Variants in TADA2A observed in about 807,000 individuals in gnomAD.
The protein encoded by TADA2A is transcriptional adaptor 2A, also known as transcriptional adapter 2-alpha.
Under a neutral mutation model 67.4 loss-of-function variants are expected in TADA2A, and 38 were observed. The observed-to-expected ratio is 0.56, with a 90% CI of 0.44 to 0.74. The LOEUF (loss-of-function observed/expected upper bound fraction) is 0.74, where lower values mean the gene tolerates loss of function less well. TADA2A is among the 30% of genes least tolerant of loss of function. The probability of loss-of-function intolerance (pLI) is 0.00; values close to 1 mark genes in which losing one functional copy is unlikely to be tolerated. For synonymous variants in TADA2A, 192 were observed against 181.6 expected (o/e 1.06, Z -0.46); for missense variants, 454 against 547.0 (o/e 0.83, Z 1.70).
chr17:37,413,693 T>A (rs972179155), intron 2 of TADA2A, among the ~76,000 whole-genome samples: 1 of 152,082 alleles, frequency 6.6e-6, no homozygotes, highest in African/African-American at 2.4e-5. Context: ...ATTATAGGCA[T>A]AAGCCACCAT....
chr17:37,468,533 CTTT>C (rs1208253095), intron 12 of TADA2A, among the ~76,000 whole-genome samples: 1 of 144,770 alleles, frequency 6.9e-6, no homozygotes, highest in Admixed American at 6.9e-5. Flanking sequence ...TTTTTCTTTC[CTTT>C]TTTTTTTTTC....
At chr17:37,463,875 C>T (rs912150254) in intron 10 of TADA2A, among the ~76,000 whole-genome samples, 4 of 151,952 alleles carry the variant, frequency 2.6e-5, no homozygotes, top group East Asian at 2.0e-4. Flanking sequence ...ATCGCTTGAA[C>T]CCGGGAGGCG....
At chr17:37,419,151 C>T (rs1465100934) in intron 2 of TADA2A, among the ~76,000 whole-genome samples, 2 of 145,876 alleles carry the variant, frequency 1.4e-5, no homozygotes, top group African/African-American at 5.0e-5. Flanking sequence ...ATGTTAAGAA[C>T]TTACTTTTAC....
At chr17:37,470,149 T>C (rs369708163) in intron 12 of TADA2A, among the ~76,000 whole-genome samples, 2 of 152,212 alleles carry the variant, frequency 1.3e-5, no homozygotes, top group African/African-American at 4.8e-5. Context: ...TACTTTTCTG[T>C]TGGTTTTTTT....
rs760306260 is a variant in TADA2A at position 37,442,198 on chromosome 17, C to CTT, written c.443-345_443-344dup. ...ATTCCAGTGTTTGTTTTTTTCCCGT[C>CTT]TTTTTTTTTTTTTTTTTTTTTTGCC... On this transcript the variant is annotated intron_variant, in intron 6 of 15. Coordinates refer to ENST00000615182, the MANE Select transcript of TADA2A (RefSeq NM_001166105.3). Among the ~76,000 whole-genome samples, 405 of 75,348 alleles carry CTT rather than the reference C, an allele frequency of 5.4e-3. 1 individual carries two copies. Among genetic ancestry groups the CTT allele is most frequent in the Middle Eastern group, 8.3e-3 (1 of 120 alleles). The allele number at this position is 75,348 out of a possible 152,430, so 49.4% of individuals were successfully genotyped here.
intron 7 of TADA2A, among the ~76,000 whole-genome samples, 168 bp from the exon 8 acceptor site, chr17:37,444,528 A>G (rs999005083): frequency 2.0e-5 from 3 of 152,060 alleles, no homozygotes; most frequent in Non-Finnish European, 4.4e-5. Context: ...GATTTTTCCC[A>G]TGACTTCCTA....
intron 8 of TADA2A, among the ~76,000 whole-genome samples, chr17:37,446,102 GGTTTT>G (rs759484398): frequency 1.7e-5 from 2 of 119,544 alleles, no homozygotes; most frequent in African/African-American, 7.0e-5. Flanking sequence ...TTTTTGGGGG[GGTTTT>G]TTTTTTTTTT....
chr17:37,419,607 C>T lies in TADA2A; in HGVS notation c.26-3902C>T, dbSNP rs535177619. Among the ~76,000 whole-genome samples, 68 of 145,182 alleles carry T rather than the reference C, an allele frequency of 4.7e-4. 3 individuals are homozygous for T. Among genetic ancestry groups the T allele is most frequent in the African/African-American group, 1.6e-3 (66 of 40,170 alleles). On this transcript the variant is annotated intron_variant, in intron 2 of 15. Transcript: ENST00000615182. Reference sequence around the variant, plus strand: ...CAGCCTGGGCAACATGGGAAAACCCCCCCTCTACTAAAAGTACAAAATTTA... The same window carrying T: ...CAGCCTGGGCAACATGGGAAAACCCTCCCTCTACTAAAAGTACAAAATTTA...
intron 8 of TADA2A, chr17:37,454,796 C>A: frequency 3.9e-6 from 1 of 255,938 alleles, no homozygotes; most frequent in South Asian, 5.6e-5. Context: ...TCAATGAAAA[C>A]AAGCTAGCAG....
chr17:37,461,963 C>A, intron 9 of TADA2A, 115 bp from the exon 10 acceptor site: 2 of 815,870 alleles, frequency 2.5e-6, no homozygotes, highest in Non-Finnish European at 3.9e-6. Flanking sequence ...TTCTTTGGAC[C>A]TCTGTATTGT....
At chr17:37,475,770 A>G (rs1413032971) in intron 15 of TADA2A, among the ~76,000 whole-genome samples, 1 of 152,184 alleles carries the variant, frequency 6.6e-6, no homozygotes, top group Non-Finnish European at 1.5e-5. Flanking sequence ...GGCCTGATTA[A>G]AAAATTATGT....
chr17:37,408,260 TTTG>T (rs1413218347), intron 1 of TADA2A: 6 of 152,732 alleles, frequency 3.9e-5, no homozygotes, highest in Admixed American at 2.6e-4. Context: ...TGTTTTTGTT[TTTG>T]TTTTTTGAGA....
chr17:37,468,496 T>C (rs566038755), intron 12 of TADA2A, among the ~76,000 whole-genome samples: 1 of 152,224 alleles, frequency 6.6e-6, no homozygotes, highest in East Asian at 1.9e-4. Context: ...GCTTGCCAGC[T>C]CTGTGATGTG....
chr17:37,410,598 TAAAG>T (rs774186704), intron 1 of TADA2A, among the ~76,000 whole-genome samples: 2 of 152,162 alleles, frequency 1.3e-5, no homozygotes, highest in Non-Finnish European at 2.9e-5. Context: ...TAAAGTTTAT[TAAAG>T]AGAGAGAAAT....
intron 2 of TADA2A, among the ~76,000 whole-genome samples, chr17:37,416,259 C>T (rs1249180430): frequency 3.3e-5 from 5 of 151,808 alleles, no homozygotes; most frequent in African/African-American, 9.7e-5. Context: ...GCTGGGATTA[C>T]AGGCACATGC....
At chr17:37,407,463 C>G (rs1036254597) in intron 1 of TADA2A, 5 of 152,292 alleles carry the variant, frequency 3.3e-5, no homozygotes, top group African/African-American at 1.2e-4. Context: ...AACGTGGACT[C>G]CTGCCCGGCG....
At chr17:37,442,099 C>T (rs1302373117) in intron 6 of TADA2A, among the ~76,000 whole-genome samples, 1 of 151,862 alleles carries the variant, frequency 6.6e-6, no homozygotes, top group African/African-American at 2.4e-5. Flanking sequence ...AAGACCGATG[C>T]AGACAGGTTA....
chr17:37,433,742 C>T (rs12936059), intron 4 of TADA2A, among the ~76,000 whole-genome samples: 36,281 of 151,768 alleles, frequency 0.24, 4,416 homozygotes, highest in Middle Eastern at 0.36. Context: ...TACTTGAGGT[C>T]GGGAGTTCAA....
chr17:37,469,368 T>C (rs1035813735), intron 12 of TADA2A, among the ~76,000 whole-genome samples: 1 of 150,104 alleles, frequency 6.7e-6, no homozygotes, highest in Non-Finnish European at 1.5e-5. Flanking sequence ...GCACGGTGGC[T>C]CACACCTGTA....
Sources: gnomAD v4.1 joint callset for allele counts (sites outside exome capture counted in the v4.1 genomes callset) on GRCh38, gnomAD v4.1.1 for gene constraint, MANE v1.5 for transcripts, NCBI Gene and HGNC (gene_info 2026-07-23, HGNC 2026-07-21) for gene names.